Variants in TENM4 observed in about 807,000 individuals in gnomAD.
The protein encoded by TENM4 is teneurin transmembrane protein 4.
In TENM4, 82 loss-of-function variants were observed where a neutral mutation model predicts 243.3. The observed-to-expected ratio is 0.34, with a 90% CI of 0.28 to 0.40. TENM4 has a LOEUF of 0.40. Among genes scored for constraint, TENM4 ranks in the 10% least tolerant of loss-of-function variants. The pLI is 1.00. For synonymous variants in TENM4, 1,412 were observed against 1,456.3 expected (o/e 0.97, Z 0.69); for missense variants, 3,138 against 3,673.3 (o/e 0.85, Z 3.77).
intron 6 of TENM4, among the ~76,000 whole-genome samples, chr11:78,948,526 C>A (rs928900154): frequency 6.6e-6 from 1 of 152,144 alleles, no homozygotes; most frequent in Non-Finnish European, 1.5e-5. Flanking sequence ...GCACCCGCCA[C>A]CGCGCCTGGC....
intron 1 of TENM4, among the ~76,000 whole-genome samples, chr11:79,333,030 C>A (rs543490957): frequency 2.6e-5 from 4 of 152,110 alleles, no homozygotes; most frequent in African/African-American, 4.8e-5. Flanking sequence ...CACTGAACAC[C>A]TCCAAGGCAG....
intron 9 of TENM4, among the ~76,000 whole-genome samples, chr11:78,880,954 T>TGG (rs1355512295): frequency 6.6e-6 from 1 of 152,062 alleles, no homozygotes; most frequent in African/African-American, 2.4e-5. Flanking sequence ...TTGGGGGTGA[T>TGG]GGAATGGTTA....
chr11:78,870,992 C>A (rs1481640149), intron 9 of TENM4, among the ~76,000 whole-genome samples: 1 of 152,206 alleles, frequency 6.6e-6, no homozygotes, highest in Non-Finnish European at 1.5e-5. Flanking sequence ...CCGTATATAA[C>A]TAATTTAGGA....
At chr11:78,798,697 A>G (rs1008402753) in intron 15 of TENM4, among the ~76,000 whole-genome samples, 1 of 151,944 alleles carries the variant, frequency 6.6e-6, no homozygotes, top group African/African-American at 2.4e-5. Flanking sequence ...TGTCCAGCTG[A>G]TCATGCATGC....
At chr11:79,265,238 C>A (rs1032961853) in intron 2 of TENM4, among the ~76,000 whole-genome samples, 1 of 152,084 alleles carries the variant, frequency 6.6e-6, no homozygotes, top group Non-Finnish European at 1.5e-5. Flanking sequence ...TATCAGAAGC[C>A]CTAGGCACAT....
At chr11:78,913,618 TG>T (rs1384614184) in intron 6 of TENM4, among the ~76,000 whole-genome samples, 29 of 129,292 alleles carry the variant, frequency 2.2e-4, no homozygotes, top group Non-Finnish European at 4.9e-4. Flanking sequence ...TGTGTGTGTG[TG>T]TGTGTGTGTG....
intron 22 of TENM4, among the ~76,000 whole-genome samples, chr11:78,728,991 C>CAAA (rs5792815): frequency 8.1e-5 from 12 of 147,730 alleles, no homozygotes; most frequent in African/African-American, 2.7e-4. Context: ...TACTGCACCT[C>CAAA]AAAAAAAAAA....
Position 78,657,899 on chromosome 11 carries a change from T to C in TENM4, c.*159A>G, listed in dbSNP as rs1857933571. On this transcript the variant is annotated 3_prime_UTR_variant, in exon 34 of 34. Coordinates refer to ENST00000278550, the MANE Select transcript of TENM4 (RefSeq NM_001098816.3). ...TGTGCGAAGGCCAAATCTGTGTTTT[T>C]CTTTTCTAAAAAAAAGGATGTTGCA... 1 of 1,215,810 alleles carries C rather than the reference T, an allele frequency of 8.2e-7. No individual in the cohort carries two copies. Among genetic ancestry groups the C allele is most frequent in the Non-Finnish European group, 1.2e-6 (1 of 839,092 alleles). The allele number at this position is 1,215,810 out of a possible 1,614,324, so 75.3% of individuals were successfully genotyped here. A position where few individuals can be genotyped will look rare whatever the true frequency, so the allele number is the denominator to read the frequency against.
intron 18 of TENM4, among the ~76,000 whole-genome samples, chr11:78,769,872 C>T (rs949380382): frequency 3.3e-5 from 5 of 152,248 alleles, no homozygotes; most frequent in Non-Finnish European, 5.9e-5. Context: ...GGCAAATAAA[C>T]CACAGAAATC....
intron 17 of TENM4, among the ~76,000 whole-genome samples, chr11:78,775,671 C>T (rs1031922916): frequency 6.6e-6 from 1 of 152,284 alleles, no homozygotes; most frequent in Admixed American, 6.5e-5. Context: ...CCGTCCTTAC[C>T]CACTGAGGCT....
Position 78,668,934 on chromosome 11 carries a change from T to C in TENM4, c.7408+3A>G. On this transcript the variant is annotated splice_donor_region_variant and intron_variant, in intron 32 of 33. Transcript: ENST00000278550. ...CTGCCCCTGAGTGAGCCGTGGTCCT[T>C]ACCTGTCATGAAGCACTTGATGTCC... is the stretch of plus-strand genomic sequence containing the variant. 6.2e-7 allele frequency: 1 copy of C among 1,610,942 alleles called. No homozygotes were observed. Among genetic ancestry groups the C allele is most frequent in the Non-Finnish European group, 8.5e-7 (1 of 1,177,460 alleles).
intron 2 of TENM4, among the ~76,000 whole-genome samples, chr11:79,252,564 G>T (rs1038316921): frequency 4.6e-5 from 7 of 152,134 alleles, no homozygotes; most frequent in African/African-American, 1.7e-4. Flanking sequence ...TAGTTTGTCG[G>T]CCAGAAAACT....
rs1388720043 is a variant in TENM4, at chr11:78,978,739, T to C, written c.494-75216A>G. ...TTTTGTTTCTTGTAACCAAAAAAGCTTATCTGGAGAGAAAAGAGTTCATAC... is the reference window on the plus strand; with the variant it reads ...TTTTGTTTCTTGTAACCAAAAAAGCCTATCTGGAGAGAAAAGAGTTCATAC... On this transcript the variant is annotated intron_variant, in intron 6 of 33. Coordinates refer to ENST00000278550, the MANE Select transcript of TENM4 (RefSeq NM_001098816.3). 2.0e-5 allele frequency among the ~76,000 whole-genome samples: 3 copies of C among 151,644 alleles called. No individual in the cohort carries two copies. In the East Asian group the frequency reaches 5.8e-4, roughly 29 times the overall value.
In TENM4 at chr11:78,862,979, C is replaced by A; in HGVS notation, c.1238G>T (p.Gly413Val). The change falls in exon 10 of 34, where the codon GGC becomes GTC. Residue 413 changes from glycine to valine, a missense_variant. This residue lies in a region of TENM4 where 671 missense variants were observed against 614.1 expected (regional missense o/e 1.09). Coordinates refer to ENST00000278550, the MANE Select transcript of TENM4 (RefSeq NM_001098816.3). ...GTGLETPDRK[G>V]KGTTEGKPSS... ...AACCCTACCTTCTGTGGTTCCTTTG[C>A]CTTTCCTGTCAGGGGTCTCTAAGCC... The A allele has an allele frequency of 6.8e-7, 1 of 1,470,414 alleles. No homozygotes were observed. Among genetic ancestry groups the A allele is most frequent in the East Asian group, 2.6e-5 (1 of 38,744 alleles). The allele number at this position is 1,470,414 out of a possible 1,614,324, so 91.1% of individuals were successfully genotyped here. A position where few individuals can be genotyped will look rare whatever the true frequency, so the allele number is the denominator to read the frequency against.
chr11:78,917,330 G>A (rs1856340174), intron 6 of TENM4, among the ~76,000 whole-genome samples: 1 of 152,176 alleles, frequency 6.6e-6, no homozygotes. Context: ...AATCCAGCAA[G>A]TCACAAGGCA....
chr11:79,067,345 T>A (rs1860289954), intron 5 of TENM4, among the ~76,000 whole-genome samples: 1 of 140,086 alleles, frequency 7.1e-6, no homozygotes, highest in South Asian at 2.3e-4. Flanking sequence ...CGTATCACAC[T>A]CCCTGGCCGC....
intron 2 of TENM4, among the ~76,000 whole-genome samples, chr11:79,276,575 T>C (rs1856060307): frequency 6.6e-6 from 1 of 152,220 alleles, no homozygotes; most frequent in Non-Finnish European, 1.5e-5. Context: ...CCCTGATGCC[T>C]GGGCCTTTAT....
chr11:79,169,824 T>C (rs961236917), intron 3 of TENM4, among the ~76,000 whole-genome samples: 1 of 152,222 alleles, frequency 6.6e-6, no homozygotes, highest in Non-Finnish European at 1.5e-5. Context: ...ACAGAGATCT[T>C]AGCAGGGTCT....
intron 12 of TENM4, among the ~76,000 whole-genome samples, chr11:78,831,056 C>A (rs771966308): frequency 4.6e-5 from 7 of 152,166 alleles, no homozygotes; most frequent in Non-Finnish European, 8.8e-5. Flanking sequence ...GTATGGTTAT[C>A]CCTACTTTTC....
Sources: gnomAD v4.1 joint callset for allele counts (sites outside exome capture counted in the v4.1 genomes callset) on GRCh38, gnomAD v4.1.1 for gene constraint, gnomAD v4.1.1 regional missense constraint, MANE v1.5 for transcripts, NCBI Gene and HGNC (gene_info 2026-07-23, HGNC 2026-07-21) for gene names.